Variants in ATP11B observed in about 807,000 individuals in gnomAD.
ATP11B encodes ATPase phospholipid transporting 11B (putative), also known as phospholipid-transporting ATPase IF.
In ATP11B, 81 loss-of-function variants were observed where a neutral mutation model predicts 157.8. The ratio of observed to expected loss-of-function variants is 0.51; its 90% CI spans 0.43 to 0.62. The LOEUF (loss-of-function observed/expected upper bound fraction) is 0.62. Ranked by LOEUF, ATP11B falls within the 20% of genes least tolerant of loss-of-function variation. The probability of loss-of-function intolerance (pLI) is 0.00; values close to 1 mark genes in which losing one functional copy is unlikely to be tolerated. For missense variants in ATP11B, 1,165 were observed against 1,402.2 expected, an observed-to-expected ratio of 0.83 and a Z score of 2.70; for synonymous variants, 451 against 469.4, an observed-to-expected ratio of 0.96 and a Z score of 0.51.
chr3:182,805,999 T>G (rs1267750266), intron 1 of ATP11B, among the ~76,000 whole-genome samples: 2 of 152,242 alleles, frequency 1.3e-5, no homozygotes, highest in Admixed American at 6.5e-5. Context: ...TCATTATTGT[T>G]TCTTGCATAC....
intron 8 of ATP11B, among the ~76,000 whole-genome samples, chr3:182,843,206 T>A (rs780557261): frequency 6.6e-5 from 10 of 152,240 alleles, no homozygotes; most frequent in Non-Finnish European, 1.5e-4. Flanking sequence ...AAGGGTTAAT[T>A]TAAAAGCACT....
At position 182,825,655 on chromosome 3, in the gene ATP11B, G is replaced by A. The variant is rs192886397; in HGVS notation, c.145-2465G>A. Among the ~76,000 whole-genome samples, 395 of 151,734 alleles carry A rather than the reference G, an allele frequency of 2.6e-3. 4 individuals carry two copies. The highest frequency in any genetic ancestry group is 9.0e-3 in the African/African-American group (373 of 41,360). On this transcript the variant is annotated intron_variant, in intron 2 of 29. Coordinates refer to ENST00000323116, the MANE Select transcript of ATP11B (RefSeq NM_014616.3). ...GGAGAATGGCATGAACCCAGGAGGC[G>A]GAGCTTGTAGTGAACAGAGATCGAG...
intron 12 of ATP11B, among the ~76,000 whole-genome samples, chr3:182,862,202 C>T (rs1249129569): frequency 2.0e-5 from 3 of 152,122 alleles, no homozygotes; most frequent in Non-Finnish European, 4.4e-5. Flanking sequence ...ATCACTTGAG[C>T]CCAGGAGATG....
intron 2 of ATP11B, among the ~76,000 whole-genome samples, chr3:182,825,741 T>C (rs979472467): frequency 9.3e-6 from 1 of 107,704 alleles, no homozygotes; most frequent in Non-Finnish European, 2.0e-5. Flanking sequence ...AAAAAAAAAA[T>C]ACAGAAAAAT....
chr3:182,795,849 C>T (rs1343663110), intron 1 of ATP11B, among the ~76,000 whole-genome samples: 5 of 152,190 alleles, frequency 3.3e-5, no homozygotes, highest in Non-Finnish European at 7.3e-5. Flanking sequence ...GATTATACTT[C>T]CAGTGGCTTA....
chr3:182,842,366 T>C (rs1271606405), intron 8 of ATP11B, among the ~76,000 whole-genome samples: 1 of 152,196 alleles, frequency 6.6e-6, no homozygotes, highest in African/African-American at 2.4e-5. Flanking sequence ...GATTGGTTTA[T>C]CATATCCTTT....
rs538004087 is a variant in ATP11B, at chr3:182,816,625, A to G, written c.28-3635A>G. Among the ~76,000 whole-genome samples the G allele has an allele frequency of 2.6e-5, 4 of 152,346 alleles. No homozygotes were observed. The East Asian group carries it at 7.7e-4, about 29-fold the overall frequency. ...GAAGATAAAGGTGTTACTGAAACAT[A>G]AAGATTCTCTTGAGGTAGTTTTAAA... On this transcript the variant is annotated intron_variant, in intron 1 of 29. Coordinates refer to ENST00000323116, the MANE Select transcript of ATP11B (RefSeq NM_014616.3).
chr3:182,913,613 T>C (rs1449176098), intron 28 of ATP11B, among the ~76,000 whole-genome samples: 4 of 152,224 alleles, frequency 2.6e-5, no homozygotes, highest in Admixed American at 6.5e-5. Flanking sequence ...TAGATTTACA[T>C]AATATCCAGC....
chr3:182,916,969 A>G (rs927363899), intron 29 of ATP11B: 1 of 983,000 alleles, frequency 1.0e-6, no homozygotes, highest in Admixed American at 6.2e-5. Context: ...TGGGTGCCCA[A>G]TATATGTCAG....
At chr3:182,853,058 G>A (rs1437227647) in intron 10 of ATP11B, among the ~76,000 whole-genome samples, 1 of 152,020 alleles carries the variant, frequency 6.6e-6, no homozygotes, top group East Asian at 1.9e-4. Flanking sequence ...CAAGTTAAAG[G>A]AATTAAAAGC....
In ATP11B at chr3:182,920,373, CTATT is replaced by C. The variant is rs1244303910; in HGVS notation, c.*2276_*2279del. 1.4e-4 allele frequency: 22 copies of C among 152,254 alleles called. 1 individual carries two copies. Among genetic ancestry groups the C allele is most frequent in the Admixed American group, 6.5e-4 (10 of 15,288 alleles). The allele number at this position is 152,254 out of a possible 1,614,324, so 9.4% of individuals were successfully genotyped here. A position where few individuals can be genotyped will look rare whatever the true frequency, so the allele number is the denominator to read the frequency against. The stretch of plus-strand genomic sequence containing the variant: ...CTTGTGATTTTAAGAAAAGAGTTTT[CTATT>C]TATTTAAGAAAGTAACAATGCAGTC... On this transcript the variant is annotated 3_prime_UTR_variant, in exon 30 of 30. Transcript: ENST00000323116.
chr3:182,805,321 AG>A (rs1461202320), intron 1 of ATP11B, among the ~76,000 whole-genome samples: 1 of 152,052 alleles, frequency 6.6e-6, no homozygotes, highest in East Asian at 1.9e-4. Context: ...TAGTCATCCT[AG>A]TGGGTATGAA....
intron 21 of ATP11B, among the ~76,000 whole-genome samples, chr3:182,881,697 T>C (rs1382276993): frequency 2.6e-5 from 4 of 152,222 alleles, no homozygotes; most frequent in Non-Finnish European, 5.9e-5. Context: ...TTTTTACATG[T>C]CATTTTGTAC....
At position 182,889,467 on chromosome 3, in the gene ATP11B, G is replaced by A; in HGVS notation, c.2901G>A (p.Leu967=). 1.3e-6 allele frequency: 2 copies of A among 1,578,636 alleles called. No individual in the cohort carries two copies. Among genetic ancestry groups the A allele is most frequent in the South Asian group, 2.4e-5 (2 of 84,098 alleles). Reference sequence around the variant, plus strand: ...AAACATTTCTTTATTGGACCATCCTGGGCTTCAGTCATGCCTTTATTTTCT... The same window carrying A: ...AAACATTTCTTTATTGGACCATCCTAGGCTTCAGTCATGCCTTTATTTTCT... ...SIKTFLYWTI[L]GFSHAFIFFF... is the part of the protein sequence containing the mutation. The change falls in exon 25 of 30, where the codon CTG becomes CTA. Residue 967 remains leucine (L), a synonymous_variant. Transcript: ENST00000323116.
chr3:182,877,741 A>T (rs1283137650), intron 19 of ATP11B, among the ~76,000 whole-genome samples: 1 of 152,108 alleles, frequency 6.6e-6, no homozygotes, highest in East Asian at 1.9e-4. Flanking sequence ...ATGGCCAGGG[A>T]GTGGTATAGA....
Position 182,899,476 on chromosome 3 carries a change from A to AT in ATP11B, c.3318+708dup, listed in dbSNP as rs1386936743. Among the ~76,000 whole-genome samples, 3 of 152,262 alleles carry AT rather than the reference A, an allele frequency of 2.0e-5. No individual in the cohort carries two copies. The East Asian group carries it at 5.8e-4, about 29-fold the overall frequency. On this transcript the variant is annotated intron_variant, in intron 28 of 29. Transcript: ENST00000323116. Reference sequence around the variant, plus strand: ...GAGTAATATTTTTTCTGATTATATTATTTTCACCAAAAAAGTATGAAATGA... The same window carrying AT: ...GAGTAATATTTTTTCTGATTATATTATTTTTCACCAAAAAAGTATGAAATGA...
In ATP11B at chr3:182,913,966, G is replaced by C. The variant is rs1323758390; in HGVS notation, c.3424G>C (p.Gly1142Arg). Reference protein sequence around the residue: ...SVGRMLERVIGRCSPTHISRS... With the variant: ...SVGRMLERVIRRCSPTHISRS... Reference sequence around the variant, plus strand: ...TGGAAGAATGCTGGAACGAGTTATAGGAAGATGTAGTCCAACCCACATCAG... The same window carrying C: ...TGGAAGAATGCTGGAACGAGTTATACGAAGATGTAGTCCAACCCACATCAG... The change falls in exon 29 of 30, where the codon GGA (glycine) becomes CGA (arginine). Residue 1142 changes from glycine to arginine, a missense_variant. This residue lies in a region of ATP11B where 303 missense variants were observed against 296.3 expected (regional missense o/e 1.02). Transcript: ENST00000323116. 2.5e-6 allele frequency: 4 copies of C among 1,613,940 alleles called. No individual in the cohort carries two copies. The Admixed American group carries it at 5.0e-5, about 20-fold the overall frequency.
intron 28 of ATP11B, among the ~76,000 whole-genome samples, chr3:182,905,245 A>G (rs1224882755): frequency 6.6e-6 from 1 of 152,250 alleles, no homozygotes; most frequent in Non-Finnish European, 1.5e-5. Flanking sequence ...ACTTCCTTAG[A>G]AGATCTCTAA....
At chr3:182,811,949 T>C (rs1716691697) in intron 1 of ATP11B, among the ~76,000 whole-genome samples, 2 of 152,218 alleles carry the variant, frequency 1.3e-5, no homozygotes, top group Admixed American at 1.3e-4. Context: ...AATGGTTTCT[T>C]GGTTCAGACA....
Sources: gnomAD v4.1 joint callset for allele counts (sites outside exome capture counted in the v4.1 genomes callset) on GRCh38, gnomAD v4.1.1 for gene constraint, gnomAD v4.1.1 regional missense constraint, MANE v1.5 for transcripts, NCBI Gene and HGNC (gene_info 2026-07-23, HGNC 2026-07-21) for gene names.